ADAMTSL1: variants seen among roughly 807,000 people sequenced by gnomAD.
ADAMTSL1 encodes ADAMTS like 1, also known as ADAMTS-like protein 1.
In ADAMTSL1, 126 loss-of-function variants were observed where a neutral mutation model predicts 201.8. The ratio of observed to expected loss-of-function variants is 0.62; its 90% CI spans 0.54 to 0.72. ADAMTSL1 has a LOEUF of 0.72. Among genes scored for constraint, ADAMTSL1 ranks in the 30% least tolerant of loss-of-function variants. The probability of loss-of-function intolerance (pLI) is 0.00; values close to 1 mark genes in which losing one functional copy is unlikely to be tolerated. For synonymous variants in ADAMTSL1, 1,121 were observed against 903.4 expected (o/e 1.24, Z -4.32); for missense variants, 2,679 against 2,277.8 (o/e 1.18, Z -3.59).
intron 1 of ADAMTSL1, among the ~76,000 whole-genome samples, chr9:18,152,491 A>T (rs1749379843): frequency 1.3e-5 from 2 of 152,048 alleles, no homozygotes; most frequent in African/African-American, 4.8e-5. Context: ...GGCAAGAAAC[A>T]ATAGAAGAAA....
chr9:18,808,466 G>GA (rs990779041), intron 20 of ADAMTSL1, among the ~76,000 whole-genome samples: 1 of 151,862 alleles, frequency 6.6e-6, no homozygotes, highest in African/African-American at 2.4e-5. Context: ...CTCCTGACAA[G>GA]AAAAAAAGGC....
At chr9:18,577,527 T>G (rs1822810721) in intron 4 of ADAMTSL1, among the ~76,000 whole-genome samples, 1 of 152,160 alleles carries the variant, frequency 6.6e-6, no homozygotes, top group Admixed American at 6.5e-5. Flanking sequence ...TAGCTCCTCT[T>G]TAACGAGCTG....
rs146771104 is a variant in ADAMTSL1 at position 18,033,372 on chromosome 9, C to G, written c.87+126450C>G. Among the ~76,000 whole-genome samples, 985 of 152,264 alleles carry G rather than the reference C, an allele frequency of 6.5e-3. 16 individuals carry two copies. The highest frequency in any genetic ancestry group is 0.023 in the African/African-American group (945 of 41,542). On this transcript the variant is annotated intron_variant, in intron 1 of 29. Coordinates refer to the ADAMTSL1 transcript ENST00000680146. ...GTTGTATACCATAAATACATATAAT[C>G]TGTGTCAATTAAGAAATAAAACGTT...
intron 1 of ADAMTSL1, among the ~76,000 whole-genome samples, chr9:17,976,439 ACCT>A (rs1187888317): frequency 6.7e-6 from 1 of 149,976 alleles, no homozygotes; most frequent in Non-Finnish European, 1.5e-5. Flanking sequence ...CAGCTCTTTC[ACCT>A]CCTTGCTTAA....
chr9:18,036,872 C>T (rs1427403645), intron 1 of ADAMTSL1, among the ~76,000 whole-genome samples: 2 of 152,130 alleles, frequency 1.3e-5, no homozygotes, highest in Non-Finnish European at 2.9e-5. Flanking sequence ...CTTATGGACA[C>T]AGTAGTGTCC....
chr9:18,669,224 C>T (rs1013716547), intron 9 of ADAMTSL1, among the ~76,000 whole-genome samples: 5 of 152,198 alleles, frequency 3.3e-5, no homozygotes, highest in East Asian at 1.9e-4. Flanking sequence ...TAAATACTGA[C>T]GTTTACTCAA....
intron 1 of ADAMTSL1, among the ~76,000 whole-genome samples, chr9:18,478,763 A>G (rs917695797): frequency 1.3e-5 from 2 of 152,226 alleles, no homozygotes; most frequent in African/African-American, 4.8e-5. Context: ...TTCAATCACC[A>G]TGAATAACCT....
At chr9:18,589,983 A>G (rs1171842731) in intron 4 of ADAMTSL1, among the ~76,000 whole-genome samples, 1 of 151,718 alleles carries the variant, frequency 6.6e-6, no homozygotes, top group Admixed American at 6.6e-5. Flanking sequence ...TTTGTGGAGT[A>G]TTTTTCCACA....
At chr9:18,350,954 G>A (rs73430954) in intron 2 of ADAMTSL1, among the ~76,000 whole-genome samples, 3,971 of 152,224 alleles carry the variant, frequency 0.026, 163 homozygotes, top group African/African-American at 0.089. Context: ...TCATATAGAT[G>A]TATATATGAA....
intron 2 of ADAMTSL1, among the ~76,000 whole-genome samples, chr9:18,172,530 G>A (rs1183164309): frequency 6.6e-6 from 1 of 152,114 alleles, no homozygotes; most frequent in African/African-American, 2.4e-5. Context: ...TATACTGCTG[G>A]TGGGAGCATA....
intron 26 of ADAMTSL1, among the ~76,000 whole-genome samples, chr9:18,895,248 C>G (rs913854950): frequency 1.3e-5 from 2 of 152,302 alleles, no homozygotes; most frequent in Middle Eastern, 3.4e-3. Context: ...TTAGGACACT[C>G]CAAGTCCATG....
rs1821730402 is a variant in ADAMTSL1 at position 18,481,541 on chromosome 9, T to C, written c.63+7246T>C. ...AATTTTTCAAAACACAACTCTTCTG[T>C]AGGCAACAGTTCTGTGATGGACATT... is the stretch of plus-strand genomic sequence containing the variant. On this transcript the variant is annotated intron_variant, in intron 1 of 28. Transcript: ENST00000380548. 2.0e-5 allele frequency among the ~76,000 whole-genome samples: 3 copies of C among 152,196 alleles called. 1 individual carries two copies. In the South Asian group the frequency reaches 6.2e-4, roughly 32 times the overall value.
chr9:18,869,678 C>T (rs890840956), intron 23 of ADAMTSL1, among the ~76,000 whole-genome samples: 2 of 152,144 alleles, frequency 1.3e-5, no homozygotes, highest in Non-Finnish European at 2.9e-5. Context: ...TATAAGAGGT[C>T]AACCATCATT....
At chr9:18,681,981 T>C in intron 12 of ADAMTSL1, 22 bp downstream of exon 12, 1 of 1,612,952 alleles carries the variant, frequency 6.2e-7, no homozygotes, top group Middle Eastern at 1.7e-4. Context: ...GGTGCTCTAT[T>C]ACCAGCCTGT....
At chr9:18,742,089 T>C (rs2133553871) in intron 15 of ADAMTSL1, among the ~76,000 whole-genome samples, 1 of 152,310 alleles carries the variant, frequency 6.6e-6, no homozygotes, top group South Asian at 2.1e-4. Context: ...ATTTCCCCTT[T>C]CATAAGGATA....
intron 2 of ADAMTSL1, among the ~76,000 whole-genome samples, chr9:18,351,450 T>A (rs996346265): frequency 6.6e-6 from 1 of 151,978 alleles, no homozygotes; most frequent in African/African-American, 2.4e-5. Flanking sequence ...CTTTTTTTTT[T>A]AATCTTTGGT....
At chr9:18,366,332 G>A (rs1268113684) in intron 2 of ADAMTSL1, among the ~76,000 whole-genome samples, 1 of 151,000 alleles carries the variant, frequency 6.6e-6, no homozygotes, top group Admixed American at 6.6e-5. Flanking sequence ...TATACATATG[G>A]CTGAAGTCAT....
intron 2 of ADAMTSL1, among the ~76,000 whole-genome samples, chr9:18,191,870 G>T (rs574938157): frequency 2.2e-4 from 34 of 152,152 alleles, no homozygotes; most frequent in Non-Finnish European, 4.1e-4. Context: ...CACTTGAAGG[G>T]AGCCTTTGAA....
chr9:18,200,240 C>G (rs1301780996), intron 2 of ADAMTSL1, among the ~76,000 whole-genome samples: 1 of 151,726 alleles, frequency 6.6e-6, no homozygotes, highest in East Asian at 1.9e-4. Flanking sequence ...TTGAGATCAG[C>G]CTAGGCAAAA....
Sources: gnomAD v4.1 joint callset for allele counts (sites outside exome capture counted in the v4.1 genomes callset) on GRCh38, gnomAD v4.1.1 for gene constraint, MANE v1.5 for transcripts, NCBI Gene and HGNC (gene_info 2026-07-23, HGNC 2026-07-21) for gene names.